The following FMN2 variants were observed in gnomAD, a reference collection of about 807,000 sequenced individuals.
The protein encoded by FMN2 is formin 2.
Under a neutral mutation model 142.3 loss-of-function variants are expected in FMN2, and 51 were observed. That is an observed-to-expected ratio of 0.36 (90% CI 0.29 to 0.45). The LOEUF (loss-of-function observed/expected upper bound fraction) is 0.45. FMN2 is among the 20% of genes least tolerant of loss of function. FMN2 has a pLI of 1.00. For missense variants in FMN2, 1,936 were observed against 2,122.8 expected (o/e 0.91, Z 1.73); for synonymous variants, 882 against 869.8 (o/e 1.01, Z -0.25).
At position 240,205,599 on chromosome 1, in the gene FMN2, C is replaced by T. The variant is rs868397083; in HGVS notation, c.1987-1200C>T. ...GCCTCAGCCTCCTGAGTAGCTGGGA[C>T]TACAGGCACCCGCCACCACGCCCGG... is the stretch of plus-strand genomic sequence containing the variant. On this transcript the variant is annotated intron_variant, in intron 4 of 17. Coordinates refer to ENST00000319653, the MANE Select transcript of FMN2 (RefSeq NM_020066.5). Among the ~76,000 whole-genome samples the T allele has an allele frequency of 4.0e-5, 6 of 151,604 alleles. No homozygotes were observed. In the South Asian group the frequency reaches 1.0e-3, roughly 26 times the overall value.
intron 2 of FMN2, among the ~76,000 whole-genome samples, chr1:240,164,331 A>T (rs1464623139): frequency 1.3e-5 from 2 of 152,186 alleles, no homozygotes; most frequent in Non-Finnish European, 2.9e-5. Flanking sequence ...TAACTTAATA[A>T]ATTTCACTTC....
intron 6 of FMN2, among the ~76,000 whole-genome samples, chr1:240,240,220 G>A (rs1389533837): frequency 6.6e-6 from 1 of 152,088 alleles, no homozygotes; most frequent in Non-Finnish European, 1.5e-5. Flanking sequence ...GTAGAGCCTG[G>A]AACCAGACTG....
chr1:240,143,100 G>A, intron 2 of FMN2: 1 of 1,535,978 alleles, frequency 6.5e-7, no homozygotes. Context: ...CAGGCCCTGT[G>A]CCAAGTGCAC....
intron 15 of FMN2, among the ~76,000 whole-genome samples, chr1:240,427,804 A>T (rs1248000699): frequency 6.6e-6 from 1 of 152,154 alleles, no homozygotes; most frequent in Non-Finnish European, 1.5e-5. Context: ...TATTTTGGCA[A>T]AATTACTTTA....
chr1:240,329,130 G>A lies in FMN2; in HGVS notation c.4270G>A (p.Asp1424Asn). Reference protein sequence around the residue: ...KIEKHGRSSKDKENAKSLDKP... With the variant: ...KIEKHGRSSKNKENAKSLDKP... ...AGAAAAGCATGGCCGATCTTCCAAAGACAAGGAAAATGCCAAGTCTCTGGA... is the reference window on the plus strand; with the variant it reads ...AGAAAAGCATGGCCGATCTTCCAAAAACAAGGAAAATGCCAAGTCTCTGGA... Residue 1424 changes from aspartate (D) to asparagine (N), a missense_variant, in exon 9 of 18, where the codon GAC becomes AAC. Physicochemically the swap from Asp to Asn is conservative, Grantham distance 23 (BLOSUM62 1). This residue lies in a region of FMN2 where 322 missense variants were observed against 401.6 expected (regional missense o/e 0.80). Transcript: ENST00000319653. The A allele has an allele frequency of 6.2e-7, 1 of 1,614,100 alleles. No homozygotes were observed. The highest frequency in any genetic ancestry group is 8.5e-7 in the Non-Finnish European group (1 of 1,179,994).
In FMN2 at chr1:240,294,792, G is replaced by A. The variant is rs374997563; in HGVS notation, c.4154-30G>A. ...AACATCTTTTCACAGGTGGCTTATG[G>A]CAATTTATATTCTTCTTTTTTTTCC... On this transcript the variant is annotated intron_variant, in intron 7 of 17. Transcript: ENST00000319653. 8 of 1,610,946 alleles carry A rather than the reference G, an allele frequency of 5.0e-6. No individual in the cohort carries two copies. In the African/African-American group the frequency reaches 9.4e-5, roughly 19 times the overall value.
chr1:240,092,493 C>A lies in FMN2; in HGVS notation c.384C>A (p.Ala128=), dbSNP rs200157875. The A allele has an allele frequency of 5.0e-6, 8 of 1,606,980 alleles. No individual in the cohort carries two copies. The South Asian group carries it at 7.8e-5, about 16-fold the overall frequency. The change falls in exon 1 of 18, where the codon GCC becomes GCA. Residue 128 remains alanine (A), a synonymous_variant. Coordinates refer to ENST00000319653, the MANE Select transcript of FMN2 (RefSeq NM_020066.5). The part of the protein sequence containing the change: ...TPDLSLSADE[A]GLSDTECADP... ...ACCTCAGCCTCTCGGCGGACGAGGC[C>A]GGCCTGTCGGATACCGAGTGTGCGG...
chr1:240,414,268 C>A (rs182535787), intron 15 of FMN2, among the ~76,000 whole-genome samples: 2 of 152,126 alleles, frequency 1.3e-5, no homozygotes, highest in South Asian at 2.1e-4. Flanking sequence ...GAGGCCTTAG[C>A]CAGCTGGCTC....
chr1:240,382,104 C>T (rs1673245386), intron 14 of FMN2, among the ~76,000 whole-genome samples: 1 of 152,026 alleles, frequency 6.6e-6, no homozygotes, highest in Non-Finnish European at 1.5e-5. Flanking sequence ...GATAACTAGA[C>T]CTAATAAATG....
At chr1:240,099,114 C>A (rs1397737049) in intron 1 of FMN2, among the ~76,000 whole-genome samples, 2 of 151,896 alleles carry the variant, frequency 1.3e-5, no homozygotes, top group African/African-American at 4.8e-5. Context: ...ATACATAAAG[C>A]CCCTACAATT....
At chr1:240,158,019 C>T (rs1196745772) in intron 2 of FMN2, among the ~76,000 whole-genome samples, 2 of 150,778 alleles carry the variant, frequency 1.3e-5, no homozygotes, top group African/African-American at 4.9e-5. Flanking sequence ...GTGGTACACA[C>T]CTATAGTCCC....
At chr1:240,328,558 AT>A (rs1671271937) in intron 8 of FMN2, among the ~76,000 whole-genome samples, 1 of 129,902 alleles carries the variant, frequency 7.7e-6, no homozygotes, top group Non-Finnish European at 1.6e-5. Context: ...TTTACACTTT[AT>A]TTTATTTATT....
In FMN2 at chr1:240,278,922, G is replaced by A. The variant is rs115526529; in HGVS notation, c.4154-15900G>A. Among the ~76,000 whole-genome samples the A allele has an allele frequency of 2.8e-3, 427 of 152,266 alleles. 2 individuals carry two copies. The highest frequency in any genetic ancestry group is 9.9e-3 in the African/African-American group (410 of 41,568). ...GATTCCTGGCCTGTCAAGCCAGTAGGTGTGGGACTATGGAGAAAGTTCCTA... is the reference window on the plus strand; with the variant it reads ...GATTCCTGGCCTGTCAAGCCAGTAGATGTGGGACTATGGAGAAAGTTCCTA... On this transcript the variant is annotated intron_variant, in intron 7 of 17. Transcript: ENST00000319653.
intron 3 of FMN2, among the ~76,000 whole-genome samples, chr1:240,180,635 C>T (rs1256570749): frequency 1.4e-5 from 2 of 147,938 alleles, no homozygotes; most frequent in African/African-American, 5.0e-5. Context: ...GGCGCCATCT[C>T]GGCTCACTGC....
intron 8 of FMN2, among the ~76,000 whole-genome samples, chr1:240,321,006 A>T (rs556986336): frequency 6.6e-6 from 1 of 152,306 alleles, no homozygotes; most frequent in Non-Finnish European, 1.5e-5. Flanking sequence ...AAAATGATCT[A>T]TTCTATTAAA....
At chr1:240,241,773 G>A (rs1344791000) in intron 6 of FMN2, among the ~76,000 whole-genome samples, 2 of 150,624 alleles carry the variant, frequency 1.3e-5, no homozygotes, top group Non-Finnish European at 2.9e-5. Flanking sequence ...CATAAGTGTG[G>A]CTAATCTTGT....
intron 15 of FMN2, among the ~76,000 whole-genome samples, chr1:240,432,407 G>A (rs1352752020): frequency 6.6e-6 from 1 of 151,798 alleles, no homozygotes. Flanking sequence ...TCATCAGTCT[G>A]GGTAGGGGTT....
intron 16 of FMN2, among the ~76,000 whole-genome samples, chr1:240,450,133 A>G (rs147299010): frequency 1.1e-3 from 174 of 152,230 alleles, no homozygotes; most frequent in African/African-American, 4.0e-3. Flanking sequence ...AGGGCCTATG[A>G]TTTTGCAATT....
chr1:240,274,189 A>G (rs116335172), intron 7 of FMN2, among the ~76,000 whole-genome samples: 2,358 of 151,916 alleles, frequency 0.016, 82 homozygotes, highest in African/African-American at 0.054. Context: ...CCATAGAAGA[A>G]AAACAATTTT....
Sources: allele counts gnomAD v4.1 joint callset (sites outside exome capture counted in the v4.1 genomes callset), GRCh38; gene constraint gnomAD v4.1.1; regional missense constraint gnomAD v4.1.1; transcripts MANE v1.5; gene names NCBI Gene and HGNC (gene_info 2026-07-23, HGNC 2026-07-21).